TASP1: variants seen among roughly 807,000 people sequenced by gnomAD.
The protein encoded by TASP1 is taspase 1.
A neutral mutation model predicts 56.6 loss-of-function variants in TASP1; 16 were observed. The observed-to-expected ratio is 0.28, with a 90% CI of 0.19 to 0.43. The LOEUF (loss-of-function observed/expected upper bound fraction) is 0.43, where lower values mean the gene tolerates loss of function less well. TASP1 is among the 20% of genes least tolerant of loss of function. The probability of loss-of-function intolerance (pLI) is 1.00; values close to 1 mark genes in which losing one functional copy is unlikely to be tolerated. For synonymous variants in TASP1, 179 were observed against 184.2 expected (o/e 0.97, Z 0.23); for missense variants, 393 against 511.6 (o/e 0.77, Z 2.24).
the TASP1 span, among the ~76,000 whole-genome samples, chr20:13,312,812 T>G: frequency 6.6e-6 from 1 of 152,212 alleles, no homozygotes; most frequent in Non-Finnish European, 1.5e-5. Flanking sequence ...GGAGTGGGCT[T>G]GCCATGATCA....
chr20:13,117,735 G>T, the TASP1 span: 1 of 1,600,386 alleles, frequency 6.2e-7, no homozygotes, highest in Non-Finnish European at 8.5e-7. Flanking sequence ...GGTAAGAGAG[G>T]GCCTGCTTGT....
chr20:13,153,717 A>G, the TASP1 span, among the ~76,000 whole-genome samples: 1 of 152,166 alleles, frequency 6.6e-6, no homozygotes, highest in Non-Finnish European at 1.5e-5. Context: ...TATACAAAAT[A>G]GATACCTCCC....
At chr20:13,396,940 G>C (rs1057474055) in intron 13 of TASP1, among the ~76,000 whole-genome samples, 1 of 152,202 alleles carries the variant, frequency 6.6e-6, no homozygotes, top group Admixed American at 6.5e-5. Flanking sequence ...AATGCTGTCT[G>C]ATGAGAACAG....
intron 4 of TASP1, among the ~76,000 whole-genome samples, chr20:13,605,678 T>TAA (rs1310048642): frequency 6.6e-6 from 1 of 150,646 alleles, no homozygotes. Flanking sequence ...GACCTTTCTC[T>TAA]AAAAAAAAAT....
chr20:13,422,717 G>C (rs1465697809), intron 12 of TASP1, among the ~76,000 whole-genome samples: 1 of 152,182 alleles, frequency 6.6e-6, no homozygotes, highest in Non-Finnish European at 1.5e-5. Flanking sequence ...GTGCAAAAAT[G>C]TGGAAAACAT....
At chr20:13,636,740 A>G (rs946328685) in intron 1 of TASP1, among the ~76,000 whole-genome samples, 5 of 152,192 alleles carry the variant, frequency 3.3e-5, no homozygotes, top group East Asian at 1.9e-4. Flanking sequence ...TTTCAACAAG[A>G]GTGTTGAAAT....
At chr20:13,622,294 A>T (rs779253077) in intron 4 of TASP1, among the ~76,000 whole-genome samples, 2 of 152,216 alleles carry the variant, frequency 1.3e-5, no homozygotes, top group Non-Finnish European at 2.9e-5. Context: ...AGACTGTGCC[A>T]CACCCACGGA....
intron 7 of TASP1, among the ~76,000 whole-genome samples, chr20:13,559,784 A>G (rs2046280797): frequency 6.6e-6 from 1 of 152,172 alleles, no homozygotes; most frequent in African/African-American, 2.4e-5. Flanking sequence ...CCAGAAAAAC[A>G]AACTGGCCTT....
chr20:13,353,173 C>T, the TASP1 span, among the ~76,000 whole-genome samples: 1 of 150,934 alleles, frequency 6.6e-6, no homozygotes, highest in Non-Finnish European at 1.5e-5. Flanking sequence ...GAGCTCAAGG[C>T]TGCAGTGAGC....
the TASP1 span, among the ~76,000 whole-genome samples, chr20:13,127,894 A>C: frequency 6.6e-6 from 1 of 152,220 alleles, no homozygotes; most frequent in Admixed American, 6.5e-5. Context: ...TGAAAAGAAA[A>C]CGACAGTCCA....
chr20:13,145,912 A>G, the TASP1 span, among the ~76,000 whole-genome samples: 2 of 152,206 alleles, frequency 1.3e-5, no homozygotes, highest in African/African-American at 4.8e-5. Flanking sequence ...TTTAATAAAT[A>G]ATCAGCATCA....
the TASP1 span, among the ~76,000 whole-genome samples, chr20:13,334,016 T>C: frequency 6.6e-6 from 1 of 152,208 alleles, no homozygotes. Context: ...TCAAAATTCC[T>C]GGCAGAACAC....
chr20:13,576,342 GAAGA>G (rs71188165), intron 6 of TASP1, among the ~76,000 whole-genome samples: 16,946 of 131,388 alleles, frequency 0.13, 1,037 homozygotes, highest in Middle Eastern at 0.16. Context: ...AGAAAGAAAG[GAAGA>G]AAGAAAGAAA....
At chr20:13,536,369 G>T (rs576493970) in intron 8 of TASP1, among the ~76,000 whole-genome samples, 29 of 152,264 alleles carry the variant, frequency 1.9e-4, no homozygotes, top group African/African-American at 6.7e-4. Context: ...CTAACATTAT[G>T]CCAGTATAAA....
the TASP1 span, chr20:13,126,777 A>G: frequency 1.3e-6 from 2 of 1,590,656 alleles, no homozygotes; most frequent in East Asian, 4.5e-5. Context: ...CTGCCTCATT[A>G]ATCTCCCCGC....
Position 13,583,758 on chromosome 20 carries a change from G to C in TASP1, c.404-2777C>G, listed in dbSNP as rs150519380. 3.6e-3 allele frequency among the ~76,000 whole-genome samples: 552 copies of C among 152,246 alleles called. 2 individuals are homozygous for C. The highest frequency in any genetic ancestry group is 0.012 in the African/African-American group (519 of 41,550). On this transcript the variant is annotated intron_variant, in intron 5 of 13. Coordinates refer to ENST00000337743, the MANE Select transcript of TASP1 (RefSeq NM_017714.3). ...AGGATAAAAGCATAGGCCTCATAAG[G>C]GTATCGTGAGAACTAAATGATTTAA...
chr20:13,212,533 A>G, the TASP1 span, among the ~76,000 whole-genome samples: 1 of 152,222 alleles, frequency 6.6e-6, no homozygotes, highest in East Asian at 1.9e-4. Flanking sequence ...AAGTGTGAGA[A>G]CAGTATATCT....
the TASP1 span, among the ~76,000 whole-genome samples, chr20:13,339,859 G>C: frequency 6.6e-6 from 1 of 151,986 alleles, no homozygotes. Flanking sequence ...AAACAGTTAG[G>C]TTGAAGTCTT....
the TASP1 span, chr20:13,160,252 C>T: frequency 2.4e-6 from 3 of 1,246,148 alleles, no homozygotes; most frequent in Non-Finnish European, 3.2e-6. Context: ...GAAAACAACA[C>T]TGACAAAAGT....
Sources: gnomAD v4.1 joint callset for allele counts (sites outside exome capture counted in the v4.1 genomes callset) on GRCh38, gnomAD v4.1.1 for gene constraint, MANE v1.5 for transcripts, NCBI Gene and HGNC (gene_info 2026-07-23, HGNC 2026-07-21) for gene names.